The following ZFAT variants were observed in gnomAD, a reference collection of about 807,000 sequenced individuals.
The protein encoded by ZFAT is zinc finger and AT-hook domain containing.
Under a neutral mutation model 117.7 loss-of-function variants are expected in ZFAT, and 64 were observed. The observed-to-expected ratio is 0.54, with a 90% confidence interval of 0.44 to 0.67. The LOEUF is 0.67. ZFAT is among the 30% of genes least tolerant of loss of function. ZFAT has a pLI of 0.00. For missense variants in ZFAT, 1,433 were observed against 1,584.5 expected, an observed-to-expected ratio of 0.90 and a Z score of 1.62; for synonymous variants, 679 against 615.0, an observed-to-expected ratio of 1.10 and a Z score of -1.54.
At chr8:134,488,110 G>T (rs1817781866) in intron 15 of ZFAT, among the ~76,000 whole-genome samples, 1 of 152,224 alleles carries the variant, frequency 6.6e-6, no homozygotes, top group Non-Finnish European at 1.5e-5. Context: ...GCGGTTCCAG[G>T]GGGACGTCTA....
chr8:134,562,997 C>A (rs376960654), intron 11 of ZFAT, among the ~76,000 whole-genome samples: 33 of 152,258 alleles, frequency 2.2e-4, no homozygotes, highest in African/African-American at 7.7e-4. Flanking sequence ...AAATAATTAA[C>A]CTCACTGGGT....
At chr8:134,492,023 T>C (rs576008771) in intron 15 of ZFAT, among the ~76,000 whole-genome samples, 1 of 141,520 alleles carries the variant, frequency 7.1e-6, no homozygotes, top group Admixed American at 6.9e-5. Flanking sequence ...TTTTTGTTTT[T>C]GTTTTTTGTT....
chr8:134,512,536 G>A lies in ZFAT; in HGVS notation c.3300C>T (p.Asp1100=), dbSNP rs767262785. ...QYLHITEAEE[D]VQGTQAAVAA... Reference sequence around the variant, plus strand: ...CCACCGCTGCCTGTGTCCCTTGAACGTCTTCTTCGGCCTCTGTGATGTGGA... The same window carrying A: ...CCACCGCTGCCTGTGTCCCTTGAACATCTTCTTCGGCCTCTGTGATGTGGA... Residue 1100 remains aspartate, a synonymous_variant, in exon 14 of 16, where the codon GAC becomes GAT. Transcript: ENST00000377838. 33 of 1,613,880 alleles carry A rather than the reference G, an allele frequency of 2.0e-5. No homozygotes were observed. Among genetic ancestry groups the A allele is most frequent in the African/African-American group, 5.3e-5 (4 of 74,924 alleles).
At chr8:134,527,370 A>G (rs1401627077) in intron 12 of ZFAT, among the ~76,000 whole-genome samples, 1 of 152,258 alleles carries the variant, frequency 6.6e-6, no homozygotes, top group Non-Finnish European at 1.5e-5. Flanking sequence ...TACAGTAGCT[A>G]CAGGCAACTA....
At chr8:134,506,433 C>T (rs1027056904) in intron 15 of ZFAT, among the ~76,000 whole-genome samples, 1 of 152,186 alleles carries the variant, frequency 6.6e-6, no homozygotes, top group Non-Finnish European at 1.5e-5. Context: ...GACAAGAAGT[C>T]GTTGAGGACA....
the ZFAT span, chr8:134,793,734 G>GGGGGC: frequency 1.3e-5 from 2 of 151,992 alleles, no homozygotes; most frequent in Admixed American, 6.5e-5. Context: ...CAAGAGTCCG[G>GGGGGC]GGGCTGGAGA....
chr8:134,650,075 A>G (rs1231938395), intron 2 of ZFAT, among the ~76,000 whole-genome samples: 1 of 151,968 alleles, frequency 6.6e-6, no homozygotes, highest in Non-Finnish European at 1.5e-5. Flanking sequence ...AGGCCTCCTC[A>G]GCAATGAGGA....
chr8:134,650,333 G>A (rs1459565811), intron 2 of ZFAT, among the ~76,000 whole-genome samples: 1 of 151,690 alleles, frequency 6.6e-6, no homozygotes, highest in Non-Finnish European at 1.5e-5. Context: ...TCACCATAAT[G>A]GCCAGGCTGG....
intron 15 of ZFAT, among the ~76,000 whole-genome samples, chr8:134,484,468 T>C (rs915161268): frequency 2.0e-5 from 3 of 152,160 alleles, no homozygotes; most frequent in African/African-American, 7.2e-5. Flanking sequence ...CCAGATGATC[T>C]GAAAGTAGGG....
intron 1 of ZFAT, among the ~76,000 whole-genome samples, chr8:134,701,230 A>T (rs932544176): frequency 2.0e-5 from 3 of 152,150 alleles, no homozygotes; most frequent in Admixed American, 2.0e-4. Flanking sequence ...GTCTCTTTGA[A>T]TTTAACTACT....
At chr8:134,549,918 G>A (rs72719740) in intron 11 of ZFAT, among the ~76,000 whole-genome samples, 14,350 of 152,118 alleles carry the variant, frequency 0.094, 883 homozygotes, top group Non-Finnish European at 0.14. Flanking sequence ...AGAGACAAAC[G>A]CCCGAAAGGA....
At chr8:134,621,098 T>C (rs965089595) in intron 3 of ZFAT, among the ~76,000 whole-genome samples, 1 of 151,438 alleles carries the variant, frequency 6.6e-6, no homozygotes, top group African/African-American at 2.4e-5. Flanking sequence ...GAAAACAGAA[T>C]GTAATTTTAG....
chr8:134,496,364 C>A (rs1818433668), intron 15 of ZFAT, among the ~76,000 whole-genome samples: 2 of 152,218 alleles, frequency 1.3e-5, no homozygotes. Flanking sequence ...GCCAAGGACT[C>A]CTCCATCCAC....
chr8:134,518,492 C>T (rs1158661456), intron 13 of ZFAT, among the ~76,000 whole-genome samples: 1 of 152,144 alleles, frequency 6.6e-6, no homozygotes, highest in Non-Finnish European at 1.5e-5. Context: ...CCATCCAGGG[C>T]TAATTTTAAT....
At chr8:134,744,879 G>GCCA in the ZFAT span, among the ~76,000 whole-genome samples, 3 of 151,816 alleles carry the variant, frequency 2.0e-5, no homozygotes, top group East Asian at 5.8e-4. Context: ...ACAGGCGCCC[G>GCCA]CCACCAGGCC....
chr8:134,791,197 C>T, the ZFAT span, among the ~76,000 whole-genome samples: 4 of 152,228 alleles, frequency 2.6e-5, no homozygotes, highest in Non-Finnish European at 5.9e-5. Flanking sequence ...AACTTCAACT[C>T]TTTCTCACAG....
chr8:134,794,961 C>A, the ZFAT span: 1 of 152,166 alleles, frequency 6.6e-6, no homozygotes, highest in Non-Finnish European at 1.5e-5. Context: ...CTCCTAACAA[C>A]CTGATAGCCA....
At chr8:134,644,567 C>T (rs1563719589) in intron 2 of ZFAT, among the ~76,000 whole-genome samples, 1 of 152,070 alleles carries the variant, frequency 6.6e-6, no homozygotes, top group Non-Finnish European at 1.5e-5. Context: ...CACACACGTA[C>T]ACAACCACAT....
At chr8:134,609,212 C>T (rs1828138512) in intron 4 of ZFAT, among the ~76,000 whole-genome samples, 1 of 151,712 alleles carries the variant, frequency 6.6e-6, no homozygotes, top group Non-Finnish European at 1.5e-5. Flanking sequence ...ATGTTACTTG[C>T]AAGGTTTTAT....
Sources: gnomAD v4.1 joint callset for allele counts (sites outside exome capture counted in the v4.1 genomes callset) on GRCh38, gnomAD v4.1.1 for gene constraint, MANE v1.5 for transcripts, NCBI Gene and HGNC (gene_info 2026-07-23, HGNC 2026-07-21) for gene names.